Variants in MIB1 observed in about 807,000 individuals in gnomAD.
MIB1 encodes E3 ubiquitin-protein ligase MIB1.
In MIB1, 278 loss-of-function variants were observed where a neutral mutation model predicts 124.5. The ratio of observed to expected loss-of-function variants is 2.23; its 90% confidence interval spans 2.02 to 2.47. The LOEUF (loss-of-function observed/expected upper bound fraction) is 2.47, where lower values mean the gene tolerates loss of function less well. Among genes scored for constraint, MIB1 ranks in the 30% most tolerant of loss-of-function variants. MIB1 has a pLI of 0.00. For missense variants in MIB1, 957 were observed against 1,254.4 expected, an observed-to-expected ratio of 0.76 and a Z score of 3.58; for synonymous variants, 446 against 429.4, an observed-to-expected ratio of 1.04 and a Z score of -0.48.
chr18:21,853,321 A>G, intron 18 of MIB1, 103 bp downstream of exon 18: 1 of 821,776 alleles, frequency 1.2e-6, no homozygotes, highest in South Asian at 1.6e-5. Flanking sequence ...TGGATAACTC[A>G]TAAAAAAGTT....
intron 12 of MIB1, among the ~76,000 whole-genome samples, chr18:21,835,096 T>C (rs940080633): frequency 6.6e-6 from 1 of 152,230 alleles, no homozygotes; most frequent in Non-Finnish European, 1.5e-5. Flanking sequence ...TCTCCACAGC[T>C]TAGTAAATCA....
At chr18:21,748,876 G>A (rs1357040332) in intron 1 of MIB1, among the ~76,000 whole-genome samples, 7 of 151,694 alleles carry the variant, frequency 4.6e-5, no homozygotes, top group Admixed American at 2.6e-4. Flanking sequence ...AGGACTATAG[G>A]TGCACACCAC....
intron 16 of MIB1, 109 bp downstream of exon 16, chr18:21,847,234 T>G: frequency 4.2e-6 from 4 of 949,836 alleles, no homozygotes; most frequent in Non-Finnish European, 6.1e-6. Context: ...TTGCTCTTCC[T>G]GTATATTTGT....
At chr18:21,779,311 A>T (rs1048873916) in intron 5 of MIB1, among the ~76,000 whole-genome samples, 170 bp from the exon 6 acceptor site, 11 of 151,938 alleles carry the variant, frequency 7.2e-5, no homozygotes, top group African/African-American at 9.7e-5. Flanking sequence ...TTCTTTTTTT[A>T]AAAAAAGCTT....
At chr18:21,718,871 T>C (rs901948248) in intron 1 of MIB1, among the ~76,000 whole-genome samples, 1 of 152,084 alleles carries the variant, frequency 6.6e-6, no homozygotes, top group African/African-American at 2.4e-5. Context: ...GTCAACATAG[T>C]GAGACCCTCA....
intron 8 of MIB1, among the ~76,000 whole-genome samples, chr18:21,799,602 A>G (rs1187155422): frequency 6.6e-6 from 1 of 152,040 alleles, no homozygotes; most frequent in Non-Finnish European, 1.5e-5. Flanking sequence ...ATAATGCACT[A>G]CTTTTTCTAA....
At chr18:21,844,767 C>T (rs1467041061) in intron 15 of MIB1, among the ~76,000 whole-genome samples, 3 of 152,020 alleles carry the variant, frequency 2.0e-5, no homozygotes, top group African/African-American at 4.8e-5. Context: ...CAAATAGATA[C>T]GTAGTGGTAT....
At chr18:21,725,017 C>T (rs533329207) in intron 1 of MIB1, among the ~76,000 whole-genome samples, 40 of 144,060 alleles carry the variant, frequency 2.8e-4, no homozygotes, top group Middle Eastern at 3.6e-3. Context: ...ATGGCGTGAA[C>T]GCGGGAGGTG....
At chr18:21,826,876 A>C (rs1289052563) in intron 12 of MIB1, 2 of 152,138 alleles carry the variant, frequency 1.3e-5, no homozygotes, top group Non-Finnish European at 2.9e-5. Context: ...TAAGTATCAT[A>C]CTGCTGGTGA....
At chr18:21,807,454 C>T (rs2041721465) in intron 10 of MIB1, among the ~76,000 whole-genome samples, 1 of 152,088 alleles carries the variant, frequency 6.6e-6, no homozygotes, top group Non-Finnish European at 1.5e-5. Context: ...CAGCCCAAGA[C>T]TAAAGCAAAA....
At chr18:21,852,505 T>C (rs1410088240) in intron 17 of MIB1, among the ~76,000 whole-genome samples, 1 of 152,150 alleles carries the variant, frequency 6.6e-6, no homozygotes, top group Non-Finnish European at 1.5e-5. Context: ...TAGTTAAATG[T>C]CCAAGCTCAG....
At chr18:21,864,417 C>T in intron 20 of MIB1, 109 bp from the exon 21 acceptor site, 3 of 885,088 alleles carry the variant, frequency 3.4e-6, no homozygotes, top group Non-Finnish European at 3.4e-6. Flanking sequence ...TAAAAACCAC[C>T]AAAATATTAT....
chr18:21,808,711 A>G (rs2041736793), intron 10 of MIB1, among the ~76,000 whole-genome samples: 1 of 152,174 alleles, frequency 6.6e-6, no homozygotes, highest in Non-Finnish European at 1.5e-5. Flanking sequence ...ACGTATAGGT[A>G]AAGGCATCAA....
intron 9 of MIB1, among the ~76,000 whole-genome samples, chr18:21,800,602 C>T (rs760233789): frequency 1.3e-5 from 2 of 152,228 alleles, no homozygotes; most frequent in South Asian, 4.1e-4. Flanking sequence ...ACCAGTATTA[C>T]GTTCGGTGTC....
intron 1 of MIB1, among the ~76,000 whole-genome samples, chr18:21,752,481 A>G (rs534334014): frequency 6.6e-6 from 1 of 152,376 alleles, no homozygotes; most frequent in South Asian, 2.1e-4. Context: ...GATTAGATAA[A>G]TTTAAGTATA....
intron 12 of MIB1, among the ~76,000 whole-genome samples, chr18:21,829,651 C>T (rs181108440): frequency 2.4e-4 from 37 of 152,112 alleles, no homozygotes; most frequent in South Asian, 1.0e-3. Flanking sequence ...TTTATAAGGT[C>T]ACAGATAAGA....
chr18:21,788,184 T>G (rs1393345731), intron 6 of MIB1, among the ~76,000 whole-genome samples: 1 of 152,236 alleles, frequency 6.6e-6, no homozygotes, highest in Non-Finnish European at 1.5e-5. Context: ...TCCACTTTAG[T>G]ATGTTTATAG....
At chr18:21,851,703 A>G (rs528881922) in intron 17 of MIB1, among the ~76,000 whole-genome samples, 19 of 152,352 alleles carry the variant, frequency 1.2e-4, no homozygotes, top group South Asian at 2.1e-4. Context: ...AAAAAGTGCT[A>G]GCAAGGAAAA....
chr18:21,808,594 C>T (rs918632594), intron 10 of MIB1, among the ~76,000 whole-genome samples: 3 of 151,922 alleles, frequency 2.0e-5, no homozygotes, highest in Non-Finnish European at 4.4e-5. Context: ...TATTTTGTTT[C>T]CTATTTCTTT....
Sources: allele counts gnomAD v4.1 joint callset (sites outside exome capture counted in the v4.1 genomes callset), GRCh38; gene constraint gnomAD v4.1.1; transcripts MANE v1.5; gene names NCBI Gene and HGNC (gene_info 2026-07-23, HGNC 2026-07-21).